The following GALNTL6 variants were observed in gnomAD, a reference collection of about 807,000 sequenced individuals.
GALNTL6 encodes polypeptide N-acetylgalactosaminyltransferase like 6.
In GALNTL6, 46 loss-of-function variants were observed where a neutral mutation model predicts 73.7. That is an observed-to-expected ratio of 0.62 (90% CI 0.49 to 0.80). GALNTL6 has a LOEUF of 0.80. GALNTL6 is among the 30% of genes least tolerant of loss of function. The pLI, the probability that GALNTL6 is intolerant of heterozygous loss-of-function variation, is 0.00. For missense variants in GALNTL6, 604 were observed against 755.0 expected (o/e 0.80, Z 2.34); for synonymous variants, 259 against 263.7 (o/e 0.98, Z 0.17).
chr4:173,027,677 C>A (rs1561095153), intron 12 of GALNTL6, among the ~76,000 whole-genome samples: 2 of 152,132 alleles, frequency 1.3e-5, no homozygotes, highest in African/African-American at 4.8e-5. Context: ...TGTTTTTCAA[C>A]CTTTTATAGG....
At chr4:172,761,662 G>GATCT (rs1560934527) in intron 5 of GALNTL6, among the ~76,000 whole-genome samples, 1 of 41,024 alleles carries the variant, frequency 2.4e-5, no homozygotes, top group African/African-American at 1.5e-4. Context: ...CTTCGCCCTT[G>GATCT]CTCTCTTTCT....
intron 2 of GALNTL6, among the ~76,000 whole-genome samples, chr4:171,980,979 A>G (rs1404196873): frequency 1.3e-5 from 2 of 152,254 alleles, no homozygotes; most frequent in Non-Finnish European, 2.9e-5. Context: ...ATCAAGTGTT[A>G]TAAATGAAAC....
chr4:172,361,565 C>T (rs1256619657), intron 5 of GALNTL6, among the ~76,000 whole-genome samples: 1 of 152,108 alleles, frequency 6.6e-6, no homozygotes, highest in Admixed American at 6.6e-5. Flanking sequence ...GCCTAAAAAT[C>T]GAACCCAGGA....
At chr4:172,280,770 A>G (rs1344661884) in intron 3 of GALNTL6, among the ~76,000 whole-genome samples, 1 of 152,134 alleles carries the variant, frequency 6.6e-6, no homozygotes, top group Non-Finnish European at 1.5e-5. Context: ...AAACAAAACT[A>G]TGTAATAATA....
rs1448352617 is a variant in GALNTL6, at chr4:172,860,948, A to G, written c.924-21842A>G. 2.0e-5 allele frequency among the ~76,000 whole-genome samples: 3 copies of G among 152,184 alleles called. No homozygotes were observed. In the East Asian group the frequency reaches 5.8e-4, roughly 29 times the overall value. On this transcript the variant is annotated intron_variant, in intron 7 of 12. Transcript: ENST00000506823. Reference sequence around the variant, plus strand: ...ATGCTTAATAAGTGCTTAAGTGGATACAGAATCCCATATGGCCTCTTCCTA... The same window carrying G: ...ATGCTTAATAAGTGCTTAAGTGGATGCAGAATCCCATATGGCCTCTTCCTA...
intron 5 of GALNTL6, among the ~76,000 whole-genome samples, chr4:172,779,219 T>C (rs1318109774): frequency 6.6e-6 from 1 of 152,138 alleles, no homozygotes; most frequent in Non-Finnish European, 1.5e-5. Flanking sequence ...TGCCCTATAT[T>C]TTAAAGGCTG....
intron 5 of GALNTL6, among the ~76,000 whole-genome samples, chr4:172,644,404 C>A (rs1740137553): frequency 6.6e-6 from 1 of 151,922 alleles, no homozygotes; most frequent in African/African-American, 2.4e-5. Flanking sequence ...CTTCCACTTT[C>A]AACAACCTCT....
intron 5 of GALNTL6, among the ~76,000 whole-genome samples, chr4:172,417,063 G>A (rs1210799313): frequency 7.2e-5 from 11 of 151,896 alleles, no homozygotes; most frequent in South Asian, 2.1e-4. Context: ...ATATAAATCC[G>A]ACTTTTCTCA....
chr4:172,487,047 G>A (rs12331348), intron 5 of GALNTL6, among the ~76,000 whole-genome samples: 3,210 of 152,220 alleles, frequency 0.021, 102 homozygotes, highest in African/African-American at 0.072. Context: ...CAATTGAGCA[G>A]CAAGGTCTGA....
At chr4:173,010,898 C>T (rs1455825587) in intron 11 of GALNTL6, among the ~76,000 whole-genome samples, 17 of 152,126 alleles carry the variant, frequency 1.1e-4, no homozygotes, top group Admixed American at 1.0e-3. Context: ...AGCCACCACG[C>T]CCAGCCAATT....
At chr4:172,283,378 A>C (rs973318883) in intron 3 of GALNTL6, among the ~76,000 whole-genome samples, 4 of 152,222 alleles carry the variant, frequency 2.6e-5, no homozygotes, top group African/African-American at 7.2e-5. Flanking sequence ...TTAATGTAAA[A>C]TGTACTAATT....
intron 5 of GALNTL6, among the ~76,000 whole-genome samples, chr4:172,593,649 T>G (rs1737737537): frequency 6.6e-6 from 1 of 151,962 alleles, no homozygotes; most frequent in South Asian, 2.1e-4. Flanking sequence ...GATTACTCAT[T>G]AAGCATGACT....
intron 5 of GALNTL6, among the ~76,000 whole-genome samples, chr4:172,438,982 G>A (rs1471021481): frequency 6.6e-6 from 1 of 151,564 alleles, no homozygotes; most frequent in African/African-American, 2.4e-5. Flanking sequence ...TTCTAACTAG[G>A]GCAAAGCCTT....
At chr4:172,712,466 C>T (rs894640870) in intron 5 of GALNTL6, among the ~76,000 whole-genome samples, 3 of 152,042 alleles carry the variant, frequency 2.0e-5, no homozygotes, top group East Asian at 1.9e-4. Flanking sequence ...CAACAGGCCC[C>T]GGTGTGTGAT....
At chr4:172,824,903 T>C (rs1742151723) in intron 7 of GALNTL6, among the ~76,000 whole-genome samples, 1 of 152,220 alleles carries the variant, frequency 6.6e-6, no homozygotes, top group African/African-American at 2.4e-5. Context: ...CTTTACTGTT[T>C]GCTGCTTGGA....
chr4:172,480,913 C>G (rs563146289), intron 5 of GALNTL6, among the ~76,000 whole-genome samples: 1 of 152,300 alleles, frequency 6.6e-6, no homozygotes, highest in South Asian at 2.1e-4. Context: ...GATCAAAGCA[C>G]ACAATGCCCC....
intron 3 of GALNTL6, among the ~76,000 whole-genome samples, chr4:172,231,121 A>G (rs891399341): frequency 2.0e-5 from 3 of 152,098 alleles, no homozygotes; most frequent in African/African-American, 7.2e-5. Context: ...GACCCCATGA[A>G]TGGTCGTGAA....
intron 8 of GALNTL6, among the ~76,000 whole-genome samples, chr4:172,928,652 A>T (rs1240997020): frequency 6.6e-6 from 1 of 152,146 alleles, no homozygotes; most frequent in Non-Finnish European, 1.5e-5. Context: ...TTACAGCTAT[A>T]TGCAATTAAT....
At chr4:172,256,896 GA>G (rs1298608803) in intron 3 of GALNTL6, among the ~76,000 whole-genome samples, 1 of 151,130 alleles carries the variant, frequency 6.6e-6, no homozygotes, top group Non-Finnish European at 1.5e-5. Context: ...ATTCCCAGAG[GA>G]AAAAAACTTA....
Sources: gnomAD v4.1 joint callset for allele counts (sites outside exome capture counted in the v4.1 genomes callset) on GRCh38, gnomAD v4.1.1 for gene constraint, MANE v1.5 for transcripts, NCBI Gene and HGNC (gene_info 2026-07-23, HGNC 2026-07-21) for gene names.